The following USP38 variants were observed in gnomAD, a reference collection of about 807,000 sequenced individuals.
The protein encoded by USP38 is ubiquitin specific peptidase 38, also known as ubiquitin carboxyl-terminal hydrolase 38.
Under a neutral mutation model 94.3 loss-of-function variants are expected in USP38, and 49 were observed. The observed-to-expected ratio is 0.52, with a 90% CI of 0.41 to 0.66. USP38 has a LOEUF of 0.66. Among genes scored for constraint, USP38 ranks in the 30% least tolerant of loss-of-function variants. USP38 has a pLI of 0.00. For missense variants in USP38, 1,128 were observed against 1,229.4 expected (o/e 0.92, Z 1.23); for synonymous variants, 468 against 463.6 (o/e 1.01, Z -0.12).
chr4:143,185,440 GCGTGGCGACAATGGA>G lies in USP38; in HGVS notation c.-9_6del. ...CTTATCCCCTGGCCCTGGCCTTGCA[GCGTGGCGACAATGGA>G]CAAGATCCTGGAGGGCCTTGTGAGT... is the stretch of plus-strand genomic sequence containing the variant. On this transcript the variant is annotated start_lost and 5_prime_UTR_variant, in exon 1 of 10. Transcript: ENST00000307017. The G allele has an allele frequency of 1.3e-6, 2 of 1,568,304 alleles. No homozygotes were observed. Among genetic ancestry groups the G allele is most frequent in the Non-Finnish European group, 1.7e-6 (2 of 1,153,844 alleles).
At chr4:143,207,666 ATTTTT>A (rs34751631) in intron 6 of USP38, among the ~76,000 whole-genome samples, 1 of 148,030 alleles carries the variant, frequency 6.8e-6, no homozygotes, top group Non-Finnish European at 1.5e-5. Context: ...TGTATTTGGA[ATTTTT>A]TTTTTTTTTA....
chr4:143,221,935 A>G lies in USP38; in HGVS notation c.*1479A>G, dbSNP rs1360206886. 1 of 152,028 alleles carries G rather than the reference A, an allele frequency of 6.6e-6. No homozygotes were observed. Among genetic ancestry groups the G allele is most frequent in the Non-Finnish European group, 1.5e-5 (1 of 67,962 alleles). The allele number at this position is 152,028 out of a possible 1,614,324, so 9.4% of individuals were successfully genotyped here. A position where few individuals can be genotyped will look rare whatever the true frequency, so the allele number is the denominator to read the frequency against. Reference sequence around the variant, plus strand: ...AGGCAGATTAGATTAAAAACTGAAAATTCTTTGCAGATTTAATGAAGGTTC... The same window carrying G: ...AGGCAGATTAGATTAAAAACTGAAAGTTCTTTGCAGATTTAATGAAGGTTC... On this transcript the variant is annotated 3_prime_UTR_variant, in exon 10 of 10. Coordinates refer to ENST00000307017, the MANE Select transcript of USP38 (RefSeq NM_032557.6).
At chr4:143,199,745 T>G (rs1257339457) in intron 4 of USP38, among the ~76,000 whole-genome samples, 2 of 152,166 alleles carry the variant, frequency 1.3e-5, no homozygotes, top group African/African-American at 4.8e-5. Context: ...AATACTGAGC[T>G]TTTTTTCTTA....
chr4:143,187,710 A>T, intron 1 of USP38, 116 bp from the exon 2 acceptor site: 1 of 1,111,300 alleles, frequency 9.0e-7, no homozygotes, highest in South Asian at 1.7e-5. Flanking sequence ...TAGCATAATA[A>T]TCCTTCCTAG....
intron 4 of USP38, among the ~76,000 whole-genome samples, chr4:143,202,565 A>G (rs1254215265): frequency 6.6e-6 from 1 of 152,160 alleles, no homozygotes; most frequent in African/African-American, 2.4e-5. Flanking sequence ...GTATCATACT[A>G]ATGGAAAGAG....
intron 9 of USP38, chr4:143,215,285 A>G: frequency 4.1e-6 from 1 of 244,074 alleles, no homozygotes; most frequent in Non-Finnish European, 8.0e-6. Context: ...AATAACTGCT[A>G]AATGTGGTAT....
intron 2 of USP38, 59 bp downstream of exon 2, chr4:143,188,020 G>T: frequency 6.7e-7 from 1 of 1,501,442 alleles, no homozygotes; most frequent in Non-Finnish European, 8.9e-7. Context: ...GAAGTATTTT[G>T]TATTTTGTGA....
chr4:143,192,894 A>C (rs1205484723), intron 2 of USP38, among the ~76,000 whole-genome samples: 1 of 152,196 alleles, frequency 6.6e-6, no homozygotes, highest in Non-Finnish European at 1.5e-5. Context: ...TTGAGATGGA[A>C]AGGCAGAAAT....
Position 143,185,772 on chromosome 4 carries a change from C to T in USP38, c.322C>T (p.His108Tyr). 1 of 1,614,194 alleles carries T rather than the reference C, an allele frequency of 6.2e-7. No individual in the cohort carries two copies. The highest frequency in any genetic ancestry group is 8.5e-7 in the Non-Finnish European group (1 of 1,180,030). ...RKDVAILDYI[H>Y]NGLKLIMSCP... ...GGATGTAGCCATCCTGGACTACATT[C>T]ACAACGGCCTGAAGCTGATTATGAG... The change falls in exon 1 of 10, where the codon CAC (histidine) becomes TAC (tyrosine). Residue 108 changes from histidine (H) to tyrosine (Y), a missense_variant. Transcript: ENST00000307017.
At position 143,220,671 on chromosome 4, in the gene USP38, T is replaced by C. The variant is rs1205328758; in HGVS notation, c.*215T>C. Reference sequence around the variant, plus strand: ...CCTCTTAAAATTCCATTTGCTTTTATGGTTAGACATGCTTGACCAAAAATG... The same window carrying C: ...CCTCTTAAAATTCCATTTGCTTTTACGGTTAGACATGCTTGACCAAAAATG... On this transcript the variant is annotated 3_prime_UTR_variant, in exon 10 of 10. Transcript: ENST00000307017. 6 of 437,850 alleles carry C rather than the reference T, an allele frequency of 1.4e-5. No individual in the cohort carries two copies. Among genetic ancestry groups the C allele is most frequent in the Non-Finnish European group, 2.2e-5 (6 of 276,920 alleles). 27.1% of individuals were successfully genotyped at this position (437,850 alleles called of 1,614,324 possible). A position where few individuals can be genotyped will look rare whatever the true frequency, so the allele number is the denominator to read the frequency against.
At chr4:143,206,411 TG>T (rs1359819723) in intron 6 of USP38, among the ~76,000 whole-genome samples, 185 bp downstream of exon 6, 1 of 152,192 alleles carries the variant, frequency 6.6e-6, no homozygotes, top group Non-Finnish European at 1.5e-5. Context: ...AACATTAGGC[TG>T]GGTGTGGTGG....
rs945296780 is a variant in USP38, at chr4:143,223,638, G to A, written c.*3182G>A. On this transcript the variant is annotated 3_prime_UTR_variant, in exon 10 of 10. Coordinates refer to ENST00000307017, the MANE Select transcript of USP38 (RefSeq NM_032557.6). Reference sequence around the variant, plus strand: ...AGGAAAAAAATAATTGGCACTGTTTGTCCAGTTACTGGAGATCTTCATTTT... The same window carrying A: ...AGGAAAAAAATAATTGGCACTGTTTATCCAGTTACTGGAGATCTTCATTTT... The A allele has an allele frequency of 3.3e-5, 5 of 152,062 alleles. No homozygotes were observed. Among genetic ancestry groups the A allele is most frequent in the Non-Finnish European group, 7.4e-5 (5 of 67,978 alleles). The allele number at this position is 152,062 out of a possible 1,614,324, so 9.4% of individuals were successfully genotyped here. A position where few individuals can be genotyped will look rare whatever the true frequency, so the allele number is the denominator to read the frequency against.
chr4:143,192,298 G>T (rs998315535), intron 2 of USP38, among the ~76,000 whole-genome samples: 1 of 152,106 alleles, frequency 6.6e-6, no homozygotes, highest in Non-Finnish European at 1.5e-5. Context: ...AGTTCTGGAG[G>T]CTGGGAAATC....
At chr4:143,198,579 A>T (rs1013961408) in intron 4 of USP38, among the ~76,000 whole-genome samples, 1 of 152,154 alleles carries the variant, frequency 6.6e-6, no homozygotes, top group Non-Finnish European at 1.5e-5. Context: ...ACAGTGGAAA[A>T]ATCTTAGGAA....
rs774319100 is a variant in USP38 at position 143,213,844 on chromosome 4, C to T, written c.1868C>T (p.Ser623Phe). ...FTDLSLAFCP[S>F]SSLENMSVQD... Reference sequence around the variant, plus strand: ...GATCTTTCGCTTGCCTTTTGTCCTTCCTCTTCTTTGGAAAACATGTCTGTC... The same window carrying T: ...GATCTTTCGCTTGCCTTTTGTCCTTTCTCTTCTTTGGAAAACATGTCTGTC... Residue 623 changes from serine to phenylalanine, a missense_variant, in exon 9 of 10, where the codon TCC (serine) becomes TTC (phenylalanine). Coordinates refer to ENST00000307017, the MANE Select transcript of USP38 (RefSeq NM_032557.6). The T allele has an allele frequency of 4.3e-6, 7 of 1,613,848 alleles. No individual in the cohort carries two copies. The South Asian group carries it at 7.7e-5, about 18-fold the overall frequency.
Position 143,209,599 on chromosome 4 carries a change from G to A in USP38, c.1439G>A (p.Gly480Glu). The change falls in exon 7 of 10, where the codon GGG becomes GAG. Residue 480 changes from glycine to glutamate, a missense_variant. Gly to Glu is a moderately conservative substitution (Grantham distance 98). Transcript: ENST00000307017. Reference protein sequence around the residue: ...RRQVLSLNLNGCNSLMKKLQH... With the variant: ...RRQVLSLNLNECNSLMKKLQH... ...CAAGTATTATCTTTAAATCTAAATGGGTGCAATTCATTAATGAAAAAATTA... is the reference window on the plus strand; with the variant it reads ...CAAGTATTATCTTTAAATCTAAATGAGTGCAATTCATTAATGAAAAAATTA... 6.2e-7 allele frequency: 1 copy of A among 1,606,742 alleles called. No homozygotes were observed. Among genetic ancestry groups the A allele is most frequent in the Non-Finnish European group, 8.5e-7 (1 of 1,174,704 alleles).
chr4:143,192,039 G>C (rs1297800751), intron 2 of USP38, among the ~76,000 whole-genome samples: 1 of 152,224 alleles, frequency 6.6e-6, no homozygotes, highest in African/African-American at 2.4e-5. Context: ...TATGCTGGCA[G>C]AGCTTAGTTT....
intron 9 of USP38, 104 bp from the exon 10 acceptor site, chr4:143,220,191 G>A (rs1181495913): frequency 1.7e-6 from 2 of 1,204,694 alleles, no homozygotes; most frequent in Non-Finnish European, 2.2e-6. Flanking sequence ...GAGATTTGAA[G>A]AATGTTTATA....
chr4:143,197,118 C>T (rs1023636221), intron 3 of USP38, among the ~76,000 whole-genome samples: 5 of 152,194 alleles, frequency 3.3e-5, no homozygotes, highest in Non-Finnish European at 4.4e-5. Flanking sequence ...CGGTCTCTTG[C>T]TTCACTTACA....
Sources: allele counts gnomAD v4.1 joint callset (sites outside exome capture counted in the v4.1 genomes callset), GRCh38; gene constraint gnomAD v4.1.1; transcripts MANE v1.5; gene names NCBI Gene and HGNC (gene_info 2026-07-23, HGNC 2026-07-21).